The following ERICH5 variants were observed in gnomAD, a reference collection of about 807,000 sequenced individuals.
ERICH5 encodes the protein glutamate rich 5, also known as glutamate-rich protein 5.
A neutral mutation model predicts 28.0 loss-of-function variants in ERICH5; 24 were observed. The ratio of observed to expected loss-of-function variants is 0.86; its 90% CI spans 0.62 to 1.21. The LOEUF is 1.21. Among genes scored for constraint, ERICH5 ranks in the 50% most tolerant of loss-of-function variants. The pLI, the probability that ERICH5 is intolerant of heterozygous loss-of-function variation, is 0.00. For synonymous variants in ERICH5, 163 were observed against 157.6 expected (o/e 1.03, Z -0.25); for missense variants, 421 against 441.2 (o/e 0.95, Z 0.41).
At chr8:98,085,635 T>C (rs1180992015) in intron 1 of ERICH5, among the ~76,000 whole-genome samples, 1 of 152,194 alleles carries the variant, frequency 6.6e-6, no homozygotes, top group East Asian at 1.9e-4. Flanking sequence ...ATATGGTGCA[T>C]GTATATTTAT....
Position 98,091,905 on chromosome 8 carries a change from CTTT to C in ERICH5, c.1013-1315_1013-1313del, listed in dbSNP as rs1563759600. 1.5e-3 allele frequency among the ~76,000 whole-genome samples: 124 copies of C among 82,662 alleles called. 1 individual carries two copies. The highest frequency in any genetic ancestry group is 5.7e-3 in the Middle Eastern group (1 of 174). 54.2% of individuals were successfully genotyped at this position (82,662 alleles called of 152,430 possible). On this transcript the variant is annotated intron_variant, in intron 2 of 2. Coordinates refer to ENST00000318528, the MANE Select transcript of ERICH5 (RefSeq NM_173549.3). ...CTTTCTTTCTTTCTTTCTTTCCTTTCTTTCTTTCTTTCTTCCTTTCTTTCTTTC... is the reference window on the plus strand; with the variant it reads ...CTTTCTTTCTTTCTTTCTTTCCTTTCCTTTCTTTCTTCCTTTCTTTCTTTC...
In ERICH5 at chr8:98,064,573, TG is replaced by T; in HGVS notation, c.-95del. 9.2e-7 allele frequency: 1 copy of T among 1,090,492 alleles called. No homozygotes were observed. Among genetic ancestry groups the T allele is most frequent in the Non-Finnish European group, 1.3e-6 (1 of 786,286 alleles). 67.6% of individuals were successfully genotyped at this position (1,090,492 alleles called of 1,614,324 possible). A position where few individuals can be genotyped will look rare whatever the true frequency, so the allele number is the denominator to read the frequency against. ...GCCCAAGGGAGCCGGGCTGCAGAGC[TG>T]GAGAAACTTCCGCGGCTACGGGTGC... On this transcript the variant is annotated 5_prime_UTR_variant, in exon 1 of 3. Transcript: ENST00000318528.
intron 1 of ERICH5, among the ~76,000 whole-genome samples, chr8:98,076,116 C>T (rs1045293402): frequency 3.2e-4 from 49 of 152,180 alleles, no homozygotes; most frequent in Admixed American, 3.3e-4. Context: ...TGCAATAGCG[C>T]GATCTCAGCT....
chr8:98,091,900 C>CTTTCTTTCTTTCTTTTCTTTCTTT lies in ERICH5; in HGVS notation c.1013-1321_1013-1320insTTTCTTTCTTTCTTTTCTTTCTTT. ...TCTTTCTTTCTTTCTTTCTTTCTTT[C>CTTTCTTTCTTTCTTTTCTTTCTTT]CTTTCTTTCTTTCTTTCTTCCTTTC... On this transcript the variant is annotated intron_variant, in intron 2 of 2. Transcript: ENST00000318528. 3.2e-4 allele frequency among the ~76,000 whole-genome samples: 24 copies of CTTTCTTTCTTTCTTTTCTTTCTTT among 74,706 alleles called. 1 individual carries two copies. Among genetic ancestry groups the CTTTCTTTCTTTCTTTTCTTTCTTT allele is most frequent in the Admixed American group, 1.2e-3 (8 of 6,826 alleles). 49.0% of individuals were successfully genotyped at this position (74,706 alleles called of 152,430 possible).
intron 1 of ERICH5, among the ~76,000 whole-genome samples, chr8:98,084,971 A>C (rs1815246425): frequency 6.6e-6 from 1 of 151,914 alleles, no homozygotes; most frequent in African/African-American, 2.4e-5. Flanking sequence ...TAGATAAGTT[A>C]GTATTTTCTA....
rs1185025027 is a variant in ERICH5, at chr8:98,073,432, CTATATATATATA to C, written c.58+8721_58+8732del. 2.0e-4 allele frequency among the ~76,000 whole-genome samples: 3 copies of C among 15,040 alleles called. 1 individual carries two copies. Among genetic ancestry groups the C allele is most frequent in the Admixed American group, 2.3e-3 (2 of 854 alleles). 9.9% of individuals were successfully genotyped at this position (15,040 alleles called of 152,430 possible). A position where few individuals can be genotyped will look rare whatever the true frequency, so the allele number is the denominator to read the frequency against. On this transcript the variant is annotated intron_variant, in intron 1 of 2. Transcript: ENST00000318528. Reference sequence around the variant, plus strand: ...TCTCTCTCTCTCTCTCTCTCTCTCTCTATATATATATATATATATATATATATGTATATATAT... The same window carrying C: ...TCTCTCTCTCTCTCTCTCTCTCTCTCTATATATATATATATGTATATATAT...
intron 1 of ERICH5, among the ~76,000 whole-genome samples, chr8:98,069,289 A>G (rs1814868288): frequency 6.6e-6 from 1 of 152,190 alleles, no homozygotes; most frequent in South Asian, 2.1e-4. Flanking sequence ...AAATATTTGG[A>G]AAAGGCAGGT....
In ERICH5 at chr8:98,089,307, A is replaced by C. The variant is rs758780457; in HGVS notation, c.290A>C (p.Gln97Pro). Reference protein sequence around the residue: ...DVAPGRDATDQSGSTEKTQPG... With the variant: ...DVAPGRDATDPSGSTEKTQPG... ...GCCCCTGGAAGGGATGCCACAGACC[A>C]ATCAGGGTCCACAGAAAAGACTCAG... The change falls in exon 2 of 3, where the codon CAA becomes CCA. Residue 97 changes from glutamine to proline, a missense_variant. Coordinates refer to ENST00000318528, the MANE Select transcript of ERICH5 (RefSeq NM_173549.3). 1 of 1,614,270 alleles carries C rather than the reference A, an allele frequency of 6.2e-7. No individual in the cohort carries two copies. The highest frequency in any genetic ancestry group is 1.1e-5 in the South Asian group (1 of 91,086).
At chr8:98,078,684 G>A (rs1404329223) in intron 1 of ERICH5, among the ~76,000 whole-genome samples, 1 of 152,126 alleles carries the variant, frequency 6.6e-6, no homozygotes, top group Non-Finnish European at 1.5e-5. Flanking sequence ...CTTATAACAA[G>A]GGTTCTGTTA....
At chr8:98,077,845 C>T (rs1815087235) in intron 1 of ERICH5, among the ~76,000 whole-genome samples, 1 of 152,202 alleles carries the variant, frequency 6.6e-6, no homozygotes, top group Non-Finnish European at 1.5e-5. Context: ...ATTGGGATTA[C>T]AGGCGTGAGT....
chr8:98,077,435 C>T (rs374490463), intron 1 of ERICH5, among the ~76,000 whole-genome samples: 1 of 152,174 alleles, frequency 6.6e-6, no homozygotes, highest in Non-Finnish European at 1.5e-5. Context: ...CAATGAAACT[C>T]TCTTTTTTCA....
intron 1 of ERICH5, among the ~76,000 whole-genome samples, chr8:98,077,331 G>A (rs1316795483): frequency 2.0e-5 from 3 of 152,128 alleles, no homozygotes; most frequent in African/African-American, 7.2e-5. Flanking sequence ...CTTCCTTCCT[G>A]TCTCCTTTCC....
At chr8:98,067,787 G>A (rs1012303603) in intron 1 of ERICH5, among the ~76,000 whole-genome samples, 1 of 151,734 alleles carries the variant, frequency 6.6e-6, no homozygotes, top group Non-Finnish European at 1.5e-5. Context: ...GGCTAATTTT[G>A]TATTTTTAGT....
Position 98,089,988 on chromosome 8 carries a change from T to C in ERICH5, c.971T>C (p.Ile324Thr). Reference protein sequence around the residue: ...NVEAGAYVEMIRNIHTNEEDQ... With the variant: ...NVEAGAYVEMTRNIHTNEEDQ... ...GAGGCAGGAGCATATGTGGAAATGA[T>C]CAGGAACATCCATACTAATGAAGAG... The change falls in exon 2 of 3, where the codon ATC becomes ACC. Residue 324 changes from isoleucine to threonine, a missense_variant. Transcript: ENST00000318528. 1 of 1,613,832 alleles carries C rather than the reference T, an allele frequency of 6.2e-7. No individual in the cohort carries two copies. Among genetic ancestry groups the C allele is most frequent in the Non-Finnish European group, 8.5e-7 (1 of 1,179,972 alleles).
At chr8:98,073,463 T>A (rs1307748164) in intron 1 of ERICH5, among the ~76,000 whole-genome samples, 8 of 1,684 alleles carry the variant, frequency 4.8e-3, no homozygotes, top group African/African-American at 0.019. Context: ...TATATATGTA[T>A]ATATATATAT....
In ERICH5 at chr8:98,090,019, A is replaced by G. The variant is rs200636146; in HGVS notation, c.1002A>G (p.Gln334=). 5.0e-6 allele frequency: 8 copies of G among 1,608,820 alleles called. No homozygotes were observed. In the African/African-American group the frequency reaches 5.3e-5, roughly 11 times the overall value. ...ACATCCATACTAATGAAGAGGACCA[A>G]CGCATTGAAGGTAAAAGTTATGCTG... ...IRNIHTNEED[Q]RIEGETGEKV... The change falls in exon 2 of 3, where the codon CAA becomes CAG. Residue 334 remains glutamine (Q), a synonymous_variant. Transcript: ENST00000318528.
intron 1 of ERICH5, among the ~76,000 whole-genome samples, chr8:98,083,694 G>A (rs1467887420): frequency 1.3e-5 from 2 of 152,056 alleles, no homozygotes; most frequent in Admixed American, 6.6e-5. Context: ...AAGCAAATTT[G>A]TTAATAAGAT....
At chr8:98,071,820 A>G (rs1050767857) in intron 1 of ERICH5, among the ~76,000 whole-genome samples, 2 of 152,186 alleles carry the variant, frequency 1.3e-5, no homozygotes, top group African/African-American at 2.4e-5. Context: ...TTCATTGTAT[A>G]TAATCAAGGG....
chr8:98,075,422 T>A (rs559306349), intron 1 of ERICH5, among the ~76,000 whole-genome samples: 5 of 152,118 alleles, frequency 3.3e-5, no homozygotes, highest in Non-Finnish European at 4.4e-5. Context: ...GTGTATCAGG[T>A]TGTGAGTGGA....
Sources: gnomAD v4.1 joint callset for allele counts (sites outside exome capture counted in the v4.1 genomes callset) on GRCh38, gnomAD v4.1.1 for gene constraint, MANE v1.5 for transcripts, NCBI Gene and HGNC (gene_info 2026-07-23, HGNC 2026-07-21) for gene names.